CNTNAP2: variants seen among roughly 807,000 people sequenced by gnomAD.
CNTNAP2 encodes contactin associated protein 2, also known as contactin-associated protein-like 2.
CNTNAP2 carries 98 observed loss-of-function variants against 155.2 expected under a neutral mutation model. That is an observed-to-expected ratio of 0.63 (90% CI 0.54 to 0.75). The LOEUF (loss-of-function observed/expected upper bound fraction) is 0.75. Ranked by LOEUF, CNTNAP2 falls within the 30% of genes least tolerant of loss-of-function variation. The pLI is 0.00. For missense variants in CNTNAP2, 1,727 were observed against 1,688.1 expected (o/e 1.02, Z -0.40); for synonymous variants, 651 against 631.2 (o/e 1.03, Z -0.47).
intron 9 of CNTNAP2, among the ~76,000 whole-genome samples, chr7:147,377,580 G>T (rs1451204812): frequency 1.3e-5 from 2 of 151,236 alleles, no homozygotes; most frequent in Admixed American, 6.6e-5. Flanking sequence ...GGAATGTGTT[G>T]GTACTAAGGT....
chr7:148,358,177 CA>C (rs1478826143), intron 21 of CNTNAP2, among the ~76,000 whole-genome samples: 3 of 152,124 alleles, frequency 2.0e-5, no homozygotes, highest in Admixed American at 2.0e-4. Context: ...AACACACAGC[CA>C]GGGGGCTGGG....
intron 3 of CNTNAP2, among the ~76,000 whole-genome samples, chr7:146,968,626 A>C (rs1797712028): frequency 6.6e-6 from 1 of 151,412 alleles, no homozygotes; most frequent in Admixed American, 6.6e-5. Context: ...CTCTGATGGT[A>C]GTTTGTATTT....
chr7:147,743,721 A>G (rs946578970), intron 13 of CNTNAP2, among the ~76,000 whole-genome samples: 2 of 150,506 alleles, frequency 1.3e-5, no homozygotes, highest in Non-Finnish European at 2.9e-5. Context: ...CTGAGCAGCT[A>G]GACTGACCTC....
At chr7:146,486,103 C>A (rs1311516719) in intron 1 of CNTNAP2, among the ~76,000 whole-genome samples, 1 of 116,846 alleles carries the variant, frequency 8.6e-6, no homozygotes, top group African/African-American at 3.5e-5. Context: ...TTCGCTGTGT[C>A]GCCCAGGCTG....
chr7:147,850,207 A>T (rs974746316), intron 13 of CNTNAP2, among the ~76,000 whole-genome samples: 3 of 152,286 alleles, frequency 2.0e-5, no homozygotes, highest in African/African-American at 7.2e-5. Context: ...TCCAACTTAT[A>T]AGGGATGTGA....
chr7:147,730,979 C>G (rs111605803), intron 13 of CNTNAP2, among the ~76,000 whole-genome samples: 27,586 of 152,076 alleles, frequency 0.18, 2,977 homozygotes, highest in Middle Eastern at 0.38. Context: ...GAGCAAGGCC[C>G]TAACTCTCTT....
At chr7:148,216,265 T>C (rs1795636854) in intron 18 of CNTNAP2, among the ~76,000 whole-genome samples, 1 of 152,242 alleles carries the variant, frequency 6.6e-6, no homozygotes, top group African/African-American at 2.4e-5. Flanking sequence ...TTCTTTCTTC[T>C]AATTTCTCAA....
intron 15 of CNTNAP2, among the ~76,000 whole-genome samples, chr7:148,038,120 CATG>C (rs1802604536): frequency 6.6e-6 from 1 of 152,170 alleles, no homozygotes; most frequent in Admixed American, 6.5e-5. Flanking sequence ...TGTAAACAAT[CATG>C]GTATTCTTCT....
chr7:146,668,975 A>G (rs1432053800), intron 1 of CNTNAP2, among the ~76,000 whole-genome samples: 1 of 152,050 alleles, frequency 6.6e-6, no homozygotes, highest in Admixed American at 6.6e-5. Flanking sequence ...AATATGGTCT[A>G]TGTTGTTAAA....
intron 13 of CNTNAP2, chr7:147,671,957 T>C (rs1795794382): frequency 6.6e-6 from 1 of 152,180 alleles, no homozygotes; most frequent in Non-Finnish European, 1.5e-5. Context: ...AGGGAAGCCC[T>C]AAGGGATTCC....
intron 16 of CNTNAP2, 119 bp downstream of exon 16, chr7:148,118,407 G>A (rs2116608809): frequency 8.8e-7 from 1 of 1,138,696 alleles, no homozygotes; most frequent in Non-Finnish European, 1.3e-6. Context: ...TGTTCCAGGA[G>A]CAGGACTAGA....
At chr7:147,125,304 C>T (rs1030393805) in intron 6 of CNTNAP2, among the ~76,000 whole-genome samples, 10 of 152,084 alleles carry the variant, frequency 6.6e-5, no homozygotes, top group East Asian at 3.9e-4. Flanking sequence ...CATAAGTCAC[C>T]GCTCCCGGCA....
intron 3 of CNTNAP2, among the ~76,000 whole-genome samples, chr7:146,964,565 A>G (rs893149495): frequency 1.3e-5 from 2 of 152,234 alleles, no homozygotes; most frequent in African/African-American, 2.4e-5. Context: ...TTCAGTGTTA[A>G]GATATCTTAA....
At chr7:146,509,314 C>G (rs1355488796) in intron 1 of CNTNAP2, among the ~76,000 whole-genome samples, 1 of 152,178 alleles carries the variant, frequency 6.6e-6, no homozygotes, top group Non-Finnish European at 1.5e-5. Flanking sequence ...TGCTCACCTG[C>G]AATTGCTGAT....
At chr7:146,307,042 T>A (rs1202403012) in intron 1 of CNTNAP2, among the ~76,000 whole-genome samples, 1 of 152,108 alleles carries the variant, frequency 6.6e-6, no homozygotes, top group Non-Finnish European at 1.5e-5. Context: ...AGTCAAATTG[T>A]CCCTGTTTGC....
rs376817827 is a variant in CNTNAP2, at chr7:146,759,681, C to CAA, written c.98-14561_98-14560dup. Among the ~76,000 whole-genome samples, 29 of 54,644 alleles carry CAA rather than the reference C, an allele frequency of 5.3e-4. 1 individual carries two copies. The highest frequency in any genetic ancestry group is 7.5e-4 in the Non-Finnish European group (16 of 21,314). The allele number at this position is 54,644 out of a possible 152,430, so 35.8% of individuals were successfully genotyped here. On this transcript the variant is annotated intron_variant, in intron 1 of 23. Transcript: ENST00000361727. ...CATCCTGGCAACACAGTGAGACTGTCAAAAAAAAAAAAAAAAAAAAAAAAA... is the reference window on the plus strand; with the variant it reads ...CATCCTGGCAACACAGTGAGACTGTCAAAAAAAAAAAAAAAAAAAAAAAAAAA...
At chr7:147,402,317 G>A (rs561689749) in intron 10 of CNTNAP2, among the ~76,000 whole-genome samples, 1 of 152,294 alleles carries the variant, frequency 6.6e-6, no homozygotes, top group South Asian at 2.1e-4. Context: ...TTCCCTCTGA[G>A]CTCCCTGAGA....
At chr7:147,124,750 G>A (rs779235982) in intron 6 of CNTNAP2, among the ~76,000 whole-genome samples, 9 of 152,000 alleles carry the variant, frequency 5.9e-5, no homozygotes, top group Non-Finnish European at 1.2e-4. Context: ...GTGGGATTCA[G>A]CACAGCACTG....
intron 1 of CNTNAP2, among the ~76,000 whole-genome samples, chr7:146,330,610 A>T (rs80185539): frequency 3.3e-5 from 5 of 152,180 alleles, no homozygotes; most frequent in Non-Finnish European, 5.9e-5. Flanking sequence ...TCATACTTCA[A>T]TGAAGGGAGA....
Sources: allele counts gnomAD v4.1 joint callset (sites outside exome capture counted in the v4.1 genomes callset), GRCh38; gene constraint gnomAD v4.1.1; transcripts MANE v1.5; gene names NCBI Gene and HGNC (gene_info 2026-07-23, HGNC 2026-07-21).